Variants in KCTD8 observed in about 807,000 individuals in gnomAD.
The protein encoded by KCTD8 is BTB/POZ domain-containing protein KCTD8.
A neutral mutation model predicts 31.5 loss-of-function variants in KCTD8; 27 were observed. That is an observed-to-expected ratio of 0.86 (90% CI 0.63 to 1.18). The LOEUF is 1.18. Among genes scored for constraint, KCTD8 ranks in the 50% most tolerant of loss-of-function variants. The pLI is 0.00. For synonymous variants in KCTD8, 290 were observed against 280.0 expected (o/e 1.04, Z -0.36); for missense variants, 658 against 647.7 (o/e 1.02, Z -0.17).
intron 1 of KCTD8, among the ~76,000 whole-genome samples, chr4:44,313,262 G>A (rs1380142645): frequency 1.3e-5 from 2 of 152,134 alleles, no homozygotes; most frequent in African/African-American, 4.8e-5. Context: ...TGCAGGGTGA[G>A]CGCCACTACC....
At chr4:44,348,950 T>A (rs1386627498) in intron 1 of KCTD8, among the ~76,000 whole-genome samples, 1 of 152,166 alleles carries the variant, frequency 6.6e-6, no homozygotes, top group African/African-American at 2.4e-5. Context: ...TTTCTTCAAA[T>A]ACATCTTTTT....
intron 1 of KCTD8, 41 bp downstream of exon 1, chr4:44,447,522 G>A: frequency 1.3e-6 from 2 of 1,483,038 alleles, no homozygotes; most frequent in Admixed American, 2.2e-5. Flanking sequence ...GGCTCAGCAG[G>A]GGGCGAGGGG....
At chr4:44,337,134 T>A (rs1427066464) in intron 1 of KCTD8, among the ~76,000 whole-genome samples, 1 of 152,160 alleles carries the variant, frequency 6.6e-6, no homozygotes, top group Non-Finnish European at 1.5e-5. Flanking sequence ...TTATAAACTG[T>A]ATTTTTGTTG....
chr4:44,268,160 C>A (rs1716451487), intron 1 of KCTD8, among the ~76,000 whole-genome samples: 1 of 152,128 alleles, frequency 6.6e-6, no homozygotes, highest in African/African-American at 2.4e-5. Context: ...TACTGGCAAA[C>A]CGAATCCAGC....
chr4:44,181,189 C>T (rs1371156624), intron 1 of KCTD8, among the ~76,000 whole-genome samples: 1 of 114,742 alleles, frequency 8.7e-6, no homozygotes, highest in South Asian at 2.8e-4. Flanking sequence ...TCTCCCTCTC[C>T]CTCTCTTTCC....
chr4:44,334,041 T>C (rs1718654567), intron 1 of KCTD8, among the ~76,000 whole-genome samples: 2 of 152,132 alleles, frequency 1.3e-5, no homozygotes, highest in African/African-American at 2.4e-5. Context: ...ATTTAAAAGA[T>C]AGAAATTAGG....
chr4:44,306,097 T>C (rs116140571), intron 1 of KCTD8, among the ~76,000 whole-genome samples: 3,635 of 151,916 alleles, frequency 0.024, 155 homozygotes, highest in African/African-American at 0.084. Context: ...ATTAATCCGC[T>C]AAGTATTCAA....
chr4:44,265,752 G>C (rs1716329540), intron 1 of KCTD8, among the ~76,000 whole-genome samples: 1 of 152,198 alleles, frequency 6.6e-6, no homozygotes, highest in African/African-American at 2.4e-5. Flanking sequence ...GAATGCAGAA[G>C]CCTCAGGAGC....
At chr4:44,213,246 T>TA (rs1297772310) in intron 1 of KCTD8, among the ~76,000 whole-genome samples, 5 of 152,174 alleles carry the variant, frequency 3.3e-5, no homozygotes, top group African/African-American at 1.2e-4. Context: ...TTCTTTTTTT[T>TA]ATTGACCAAA....
intron 1 of KCTD8, among the ~76,000 whole-genome samples, chr4:44,389,407 A>G (rs1720311523): frequency 6.6e-6 from 1 of 151,792 alleles, no homozygotes; most frequent in African/African-American, 2.4e-5. Flanking sequence ...ATACACACAC[A>G]TGAAAAAAGG....
At chr4:44,390,322 A>C (rs1481178750) in intron 1 of KCTD8, among the ~76,000 whole-genome samples, 1 of 151,886 alleles carries the variant, frequency 6.6e-6, no homozygotes, top group Non-Finnish European at 1.5e-5. Flanking sequence ...ATAAGGTGAG[A>C]GATGAGGATC....
intron 1 of KCTD8, among the ~76,000 whole-genome samples, chr4:44,300,436 G>T (rs1386130886): frequency 2.6e-5 from 4 of 151,868 alleles, no homozygotes; most frequent in Non-Finnish European, 4.4e-5. Context: ...CTATTAAAAG[G>T]TTACGGAAAA....
chr4:44,285,379 A>T (rs1342647841), intron 1 of KCTD8, among the ~76,000 whole-genome samples: 1 of 152,052 alleles, frequency 6.6e-6, no homozygotes, highest in Admixed American at 6.6e-5. Context: ...AGTTCAGAAA[A>T]CCAAACACCA....
At chr4:44,298,524 A>C (rs1478988859) in intron 1 of KCTD8, among the ~76,000 whole-genome samples, 1 of 152,110 alleles carries the variant, frequency 6.6e-6, no homozygotes, top group East Asian at 1.9e-4. Flanking sequence ...TAGCAGCAAT[A>C]AGATATATAA....
chr4:44,278,823 A>G (rs1196247708), intron 1 of KCTD8, among the ~76,000 whole-genome samples: 1 of 151,990 alleles, frequency 6.6e-6, no homozygotes, highest in African/African-American at 2.4e-5. Context: ...ATTATTTCTC[A>G]GATATGGAGA....
At chr4:44,208,669 C>T (rs1381833223) in intron 1 of KCTD8, among the ~76,000 whole-genome samples, 1 of 152,136 alleles carries the variant, frequency 6.6e-6, no homozygotes, top group African/African-American at 2.4e-5. Context: ...AAGTCCTATG[C>T]CTCTCAACTT....
At chr4:44,313,081 C>G (rs907299999) in intron 1 of KCTD8, among the ~76,000 whole-genome samples, 1 of 152,124 alleles carries the variant, frequency 6.6e-6, no homozygotes, top group Non-Finnish European at 1.5e-5. Context: ...TTTCCTGGAA[C>G]AAATTTCCTT....
chr4:44,275,781 A>G (rs1716733913), intron 1 of KCTD8, among the ~76,000 whole-genome samples: 1 of 152,000 alleles, frequency 6.6e-6, no homozygotes, highest in African/African-American at 2.4e-5. Flanking sequence ...ATATTCAGAG[A>G]GGTTCAAATG....
intron 1 of KCTD8, among the ~76,000 whole-genome samples, chr4:44,237,850 G>C (rs529795742): frequency 1.3e-5 from 2 of 152,230 alleles, no homozygotes; most frequent in South Asian, 4.2e-4. Context: ...GAGGACAGAG[G>C]TACTGCTGAG....
Sources: gnomAD v4.1 joint callset for allele counts (sites outside exome capture counted in the v4.1 genomes callset) on GRCh38, gnomAD v4.1.1 for gene constraint, MANE v1.5 for transcripts, NCBI Gene and HGNC (gene_info 2026-07-23, HGNC 2026-07-21) for gene names.